Variants in TJP2 observed in about 807,000 individuals in gnomAD.
TJP2 encodes the protein Friedreich ataxia region gene X104 (tight junction protein ZO-2).
TJP2 carries 91 observed loss-of-function variants against 133.1 expected under a neutral mutation model. That is an observed-to-expected ratio of 0.68 (90% CI 0.58 to 0.81). The LOEUF is 0.81. Ranked by LOEUF, TJP2 falls within the 40% of genes least tolerant of loss-of-function variation. The pLI is 0.00. For missense variants in TJP2, 1,541 were observed against 1,565.6 expected (o/e 0.98, Z 0.26); for synonymous variants, 592 against 583.4 (o/e 1.01, Z -0.21).
At chr9:69,199,558 G>A (rs1317391034) in intron 1 of TJP2, among the ~76,000 whole-genome samples, 2 of 152,026 alleles carry the variant, frequency 1.3e-5, no homozygotes, top group African/African-American at 2.4e-5. Flanking sequence ...ACGCATGCAC[G>A]TACGCACGCA....
At chr9:69,222,555 A>G (rs988955578) in intron 5 of TJP2, among the ~76,000 whole-genome samples, 1 of 152,164 alleles carries the variant, frequency 6.6e-6, no homozygotes, top group East Asian at 1.9e-4. Flanking sequence ...CCTCAGAACT[A>G]CCTCATGAGG....
chr9:69,151,515 A>G (rs1288627614), intron 1 of TJP2: 1 of 853,182 alleles, frequency 1.2e-6, no homozygotes, highest in African/African-American at 1.8e-5. Context: ...TGACAGTTGC[A>G]TAACTCTGTG....
chr9:69,198,857 A>G (rs1455420558), intron 1 of TJP2, among the ~76,000 whole-genome samples: 1 of 152,236 alleles, frequency 6.6e-6, no homozygotes, highest in Non-Finnish European at 1.5e-5. Flanking sequence ...GGTGGCAACT[A>G]GTTTATTGCT....
intron 1 of TJP2, among the ~76,000 whole-genome samples, chr9:69,134,676 C>T (rs865895476): frequency 2.6e-5 from 4 of 152,188 alleles, no homozygotes; most frequent in Admixed American, 2.0e-4. Context: ...TACCACCCAG[C>T]GAGCTGAAAG....
rs967014248 is a variant in TJP2, at chr9:69,174,378, G to A, written c.6G>A (p.Pro2=). The A allele has an allele frequency of 2.6e-6, 4 of 1,551,926 alleles. No homozygotes were observed. The highest frequency in any genetic ancestry group is 1.4e-5 in the African/African-American group (1 of 73,270). M[P]VRGDRGFPPR... is the part of the protein sequence containing the mutation. ...ACGCGGGACCTGTGTCCGAAATGCC[G>A]GTGCGAGGAGACCGCGGGTTTCCAC... Residue 2 remains proline (P), a synonymous_variant, in exon 1 of 23, where the codon CCG becomes CCA. Coordinates refer to ENST00000377245, the MANE Select transcript of TJP2 (RefSeq NM_004817.4).
At chr9:69,222,089 C>G (rs1336637275) in intron 5 of TJP2, among the ~76,000 whole-genome samples, 1 of 151,884 alleles carries the variant, frequency 6.6e-6, no homozygotes, top group Non-Finnish European at 1.5e-5. Context: ...CCAGGCTGGT[C>G]TTGAACTTCT....
chr9:69,249,273 T>G (rs1831153061), intron 19 of TJP2, 102 bp from the exon 20 acceptor site: 18 of 1,540,748 alleles, frequency 1.2e-5, no homozygotes, highest in Non-Finnish European at 1.5e-5. Flanking sequence ...GAACCTCAAC[T>G]TCTGGACTTA....
chr9:69,139,788 C>T (rs1261802384), intron 1 of TJP2, among the ~76,000 whole-genome samples: 7 of 152,152 alleles, frequency 4.6e-5, no homozygotes, highest in Non-Finnish European at 8.8e-5. Context: ...GTCCTTGTCT[C>T]GAACTCGGCC....
At chr9:69,196,927 ATGTGTG>A (rs150452125) in intron 1 of TJP2, among the ~76,000 whole-genome samples, 60,980 of 143,396 alleles carry the variant, frequency 0.43, 13,206 homozygotes, top group East Asian at 0.64. Context: ...TTATATATAT[ATGTGTG>A]TGTGTGTGTG....
At chr9:69,247,701 A>G (rs932071042) in intron 18 of TJP2, among the ~76,000 whole-genome samples, 1 of 152,160 alleles carries the variant, frequency 6.6e-6, no homozygotes, top group Non-Finnish European at 1.5e-5. Context: ...CCAGGAGAAC[A>G]GGCTGCAGAG....
rs528751718 is a variant in TJP2 at position 69,180,827 on chromosome 9, T to G, written c.60+6395T>G. ...CCTTCTGCAGTCTGGCTGAATCAAT[T>G]GTGTTCTTGCCTGTGATTGGTGAGG... On this transcript the variant is annotated intron_variant, in intron 1 of 22. Transcript: ENST00000377245. 1.1e-3 allele frequency among the ~76,000 whole-genome samples: 163 copies of G among 152,328 alleles called. 1 individual carries two copies. The highest frequency in any genetic ancestry group is 3.6e-3 in the African/African-American group (150 of 41,570).
intron 1 of TJP2, among the ~76,000 whole-genome samples, chr9:69,134,846 G>A (rs940866202): frequency 3.3e-5 from 5 of 152,096 alleles, no homozygotes; most frequent in Non-Finnish European, 5.9e-5. Flanking sequence ...TTCGTGGTGA[G>A]AACCCTTTTC....
chr9:69,200,273 T>G (rs1391056434), intron 1 of TJP2, among the ~76,000 whole-genome samples: 5 of 152,202 alleles, frequency 3.3e-5, no homozygotes, highest in Non-Finnish European at 5.9e-5. Flanking sequence ...TCCTTCAGCA[T>G]GGAGCTGTGG....
rs760885529 is a variant in TJP2 at position 69,249,434 on chromosome 9, T to C, written c.2940T>C (p.Asp980=). 1.9e-6 allele frequency: 3 copies of C among 1,611,866 alleles called. No homozygotes were observed. The highest frequency in any genetic ancestry group is 2.5e-6 in the Non-Finnish European group (3 of 1,178,914). ...AGATGAGGAGGGCTGCTAGCAGCGA[T>C]CAACTTAGGGACAATAGCCCGCCCC... is the stretch of plus-strand genomic sequence containing the variant. The part of the protein sequence containing the change: ...RAQMRRAASS[D]QLRDNSPPPA... The change falls in exon 20 of 23, where the codon GAT becomes GAC. Residue 980 remains aspartate, a synonymous_variant. Transcript: ENST00000377245.
intron 1 of TJP2, among the ~76,000 whole-genome samples, chr9:69,141,474 T>G (rs7030146): frequency 0.42 from 64,456 of 151,860 alleles, 13,943 homozygotes; most frequent in East Asian, 0.62. Context: ...AGTCTCACTG[T>G]TTTTCCCACA....
intron 13 of TJP2, 137 bp from the exon 14 acceptor site, chr9:69,236,812 C>T (rs777965769): frequency 3.8e-6 from 4 of 1,052,144 alleles, no homozygotes; most frequent in Non-Finnish European, 5.9e-6. Flanking sequence ...CCACATTTCC[C>T]ACCCTCTGAA....
intron 1 of TJP2, chr9:69,205,451 C>A (rs1827326113): frequency 1.0e-6 from 1 of 957,462 alleles, no homozygotes; most frequent in Non-Finnish European, 1.5e-6. Context: ...AAACTGATAG[C>A]CTCTTACTGG....
At chr9:69,239,289 C>T (rs1237600036) in intron 16 of TJP2, among the ~76,000 whole-genome samples, 2 of 151,176 alleles carry the variant, frequency 1.3e-5, no homozygotes, top group Non-Finnish European at 2.9e-5. Context: ...CCAGCCTGGG[C>T]GACAAGAGTG....
chr9:69,250,913 A>G (rs1831283583), intron 20 of TJP2, 122 bp from the exon 21 acceptor site: 1 of 1,052,352 alleles, frequency 9.5e-7, no homozygotes, highest in Admixed American at 1.7e-5. Flanking sequence ...ATTCCTTGTC[A>G]GAATGGTATT....
Sources: allele counts gnomAD v4.1 joint callset (sites outside exome capture counted in the v4.1 genomes callset), GRCh38; gene constraint gnomAD v4.1.1; transcripts MANE v1.5; gene names NCBI Gene and HGNC (gene_info 2026-07-23, HGNC 2026-07-21).